The following RSU1 variants were observed in gnomAD, a reference collection of about 807,000 sequenced individuals.
RSU1 encodes the protein Ras suppressor protein 1.
In RSU1, 26 loss-of-function variants were observed where a neutral mutation model predicts 31.1. That is an observed-to-expected ratio of 0.84 (90% CI 0.61 to 1.16). RSU1 has a LOEUF of 1.16. RSU1 is among the 50% of genes most tolerant of loss of function. The pLI, the probability that RSU1 is intolerant of heterozygous loss-of-function variation, is 0.00. For missense variants in RSU1, 320 were observed against 339.1 expected, an observed-to-expected ratio of 0.94 and a Z score of 0.44; for synonymous variants, 164 against 136.3, an observed-to-expected ratio of 1.20 and a Z score of -1.41.
chr10:16,598,352 C>A (rs3843021), intron 8 of RSU1, among the ~76,000 whole-genome samples: 2,776 of 151,586 alleles, frequency 0.018, 83 homozygotes, highest in African/African-American at 0.063. Flanking sequence ...CAGCCTGGGC[C>A]ATACAGGGAG....
At chr10:16,772,066 C>T (rs1837433825) in intron 3 of RSU1, among the ~76,000 whole-genome samples, 1 of 152,184 alleles carries the variant, frequency 6.6e-6, no homozygotes, top group Non-Finnish European at 1.5e-5. Context: ...GATTCTATAG[C>T]CTAAGTCATT....
intron 8 of RSU1, among the ~76,000 whole-genome samples, chr10:16,678,118 A>G (rs1189401748): frequency 6.6e-6 from 1 of 152,226 alleles, no homozygotes; most frequent in Admixed American, 6.5e-5. Flanking sequence ...TCAAAAATAG[A>G]AAAGCTTTTC....
chr10:16,635,786 T>C (rs1356738872), intron 8 of RSU1, among the ~76,000 whole-genome samples: 1 of 152,258 alleles, frequency 6.6e-6, no homozygotes, highest in African/African-American at 2.4e-5. Flanking sequence ...ATCCATGTTG[T>C]ACCCATCACG....
rs74128722 is a variant in RSU1, at chr10:16,649,946, G to C, written c.731+45077C>G. Among the ~76,000 whole-genome samples the C allele has an allele frequency of 4.2e-3, 637 of 152,234 alleles. 3 individuals are homozygous for C. The highest frequency in any genetic ancestry group is 0.014 in the African/African-American group (602 of 41,536). On this transcript the variant is annotated intron_variant, in intron 8 of 8. Transcript: ENST00000345264. ...TTAAAACCAAAAGTAAACACATCTT[G>C]CCATCTAAAACTCTTCAAATTCCAC...
At chr10:16,781,708 C>A (rs1837654213) in intron 3 of RSU1, among the ~76,000 whole-genome samples, 1 of 152,082 alleles carries the variant, frequency 6.6e-6, no homozygotes, top group Non-Finnish European at 1.5e-5. Flanking sequence ...ATCTTCAGGC[C>A]AGGCGCCACG....
chr10:16,679,564 C>G (rs10904789), intron 8 of RSU1, among the ~76,000 whole-genome samples: 74,882 of 152,054 alleles, frequency 0.49, 19,238 homozygotes, highest in Middle Eastern at 0.6. Flanking sequence ...TTTAACCTGA[C>G]ACTTGAAGAA....
chr10:16,718,523 T>G (rs1275457085), intron 7 of RSU1, among the ~76,000 whole-genome samples: 2 of 152,142 alleles, frequency 1.3e-5, no homozygotes, highest in African/African-American at 4.8e-5. Context: ...ACAAATGGTG[T>G]CCTCTAATCT....
At chr10:16,748,576 C>G (rs543172249) in intron 7 of RSU1, among the ~76,000 whole-genome samples, 8 of 152,272 alleles carry the variant, frequency 5.3e-5, no homozygotes, top group African/African-American at 1.9e-4. Context: ...CCATTTCACC[C>G]GGAGTAAAAG....
intron 8 of RSU1, among the ~76,000 whole-genome samples, chr10:16,640,441 T>G (rs921943229): frequency 2.0e-5 from 3 of 152,002 alleles, no homozygotes; most frequent in Non-Finnish European, 2.9e-5. Context: ...ATGCACAGAG[T>G]CTAAAGCAAT....
At chr10:16,668,086 C>T (rs1325042476) in intron 8 of RSU1, among the ~76,000 whole-genome samples, 1 of 152,180 alleles carries the variant, frequency 6.6e-6, no homozygotes, top group Non-Finnish European at 1.5e-5. Flanking sequence ...AATTCTGGCT[C>T]TACTACATAT....
chr10:16,790,676 T>C (rs573730199), intron 2 of RSU1, among the ~76,000 whole-genome samples: 15 of 151,988 alleles, frequency 9.9e-5, no homozygotes, highest in South Asian at 6.2e-4. Flanking sequence ...ATTGTAATCG[T>C]TTGTGTTGAG....
chr10:16,803,345 G>C (rs1446729317), intron 2 of RSU1, among the ~76,000 whole-genome samples: 1 of 152,102 alleles, frequency 6.6e-6, no homozygotes, highest in Non-Finnish European at 1.5e-5. Flanking sequence ...AGCTAGTATG[G>C]AAGAAATCAA....
At chr10:16,784,574 C>T (rs181545046) in intron 2 of RSU1, among the ~76,000 whole-genome samples, 108 of 152,168 alleles carry the variant, frequency 7.1e-4, no homozygotes, top group African/African-American at 2.5e-3. Context: ...AAGACATACC[C>T]GAAACTGAGA....
intron 8 of RSU1, among the ~76,000 whole-genome samples, chr10:16,670,127 T>C (rs74125814): frequency 0.079 from 12,006 of 152,264 alleles, 826 homozygotes; most frequent in African/African-American, 0.18. Flanking sequence ...TTTTCTAAGC[T>C]GACCAGGTGA....
chr10:16,633,642 C>T (rs1834292939), intron 8 of RSU1, among the ~76,000 whole-genome samples: 1 of 152,110 alleles, frequency 6.6e-6, no homozygotes, highest in South Asian at 2.1e-4. Flanking sequence ...GGTATTCAAG[C>T]AGGGGCCAGA....
At chr10:16,721,253 T>C (rs987385490) in intron 7 of RSU1, 5 of 152,070 alleles carry the variant, frequency 3.3e-5, no homozygotes, top group Non-Finnish European at 7.3e-5. Context: ...CTTAACCAGA[T>C]CATAGTGAAT....
intron 7 of RSU1, among the ~76,000 whole-genome samples, chr10:16,720,912 G>C (rs1240554086): frequency 6.6e-6 from 1 of 152,144 alleles, no homozygotes; most frequent in Non-Finnish European, 1.5e-5. Flanking sequence ...CCTGAGCCCT[G>C]AGAGTTTGAG....
chr10:16,753,292 T>C (rs1486120623), intron 5 of RSU1, among the ~76,000 whole-genome samples: 2 of 152,256 alleles, frequency 1.3e-5, no homozygotes, highest in East Asian at 3.8e-4. Flanking sequence ...AAGATTGCTA[T>C]ACTTCTCATA....
At chr10:16,671,187 G>A (rs748003486) in intron 8 of RSU1, among the ~76,000 whole-genome samples, 8 of 152,128 alleles carry the variant, frequency 5.3e-5, no homozygotes, top group African/African-American at 9.7e-5. Context: ...AATCAACCTA[G>A]GTGCCCATCA....
Sources: gnomAD v4.1 joint callset for allele counts (sites outside exome capture counted in the v4.1 genomes callset) on GRCh38, gnomAD v4.1.1 for gene constraint, MANE v1.5 for transcripts, NCBI Gene and HGNC (gene_info 2026-07-23, HGNC 2026-07-21) for gene names.